The following DLG2 variants were observed in gnomAD, a reference collection of about 807,000 sequenced individuals.
DLG2 encodes disks large homolog 2.
In DLG2, 45 loss-of-function variants were observed where a neutral mutation model predicts 132.5. The ratio of observed to expected loss-of-function variants is 0.34; its 90% confidence interval spans 0.27 to 0.44. The LOEUF (loss-of-function observed/expected upper bound fraction) is 0.44, where lower values mean the gene tolerates loss of function less well. DLG2 is among the 20% of genes least tolerant of loss of function. DLG2 has a pLI of 1.00. For synonymous variants in DLG2, 424 were observed against 419.6 expected (o/e 1.01, Z -0.13); for missense variants, 1,045 against 1,196.9 (o/e 0.87, Z 1.87).
At chr11:84,355,472 G>C (rs2098605782) in intron 7 of DLG2, among the ~76,000 whole-genome samples, 1 of 152,012 alleles carries the variant, frequency 6.6e-6, no homozygotes, top group Non-Finnish European at 1.5e-5. Flanking sequence ...TCTGCCAAGT[G>C]AAGACACAGC....
chr11:84,069,124 T>A (rs1249750873), intron 10 of DLG2, among the ~76,000 whole-genome samples: 2 of 152,166 alleles, frequency 1.3e-5, no homozygotes, highest in Non-Finnish European at 2.9e-5. Context: ...AGGTGCTGAT[T>A]CAGTAGGTCT....
chr11:84,424,789 C>A (rs1172015806), intron 7 of DLG2, among the ~76,000 whole-genome samples: 1 of 151,926 alleles, frequency 6.6e-6, no homozygotes, highest in African/African-American at 2.4e-5. Context: ...AATCAAAGCA[C>A]GTGTGTTTTA....
At chr11:84,933,478 T>C (rs1345268495) in intron 6 of DLG2, among the ~76,000 whole-genome samples, 1 of 152,256 alleles carries the variant, frequency 6.6e-6, no homozygotes, top group Non-Finnish European at 1.5e-5. Flanking sequence ...TTTAATGATA[T>C]TAATTTTTCC....
At chr11:85,202,670 TA>T (rs1451530226) in intron 4 of DLG2, among the ~76,000 whole-genome samples, 3 of 152,092 alleles carry the variant, frequency 2.0e-5, no homozygotes, top group Non-Finnish European at 2.9e-5. Flanking sequence ...CAACAAATTT[TA>T]AAAGGTCAAA....
At chr11:85,448,859 T>C (rs1013193296) in intron 3 of DLG2, among the ~76,000 whole-genome samples, 1 of 152,146 alleles carries the variant, frequency 6.6e-6, no homozygotes, top group African/African-American at 2.4e-5. Context: ...CAAACACTAA[T>C]ATATTTAAAG....
intron 6 of DLG2, among the ~76,000 whole-genome samples, chr11:84,759,409 C>G (rs2067304188): frequency 1.3e-5 from 2 of 152,116 alleles, no homozygotes; most frequent in Admixed American, 6.5e-5. Flanking sequence ...GGTAACCTCT[C>G]AATCAGAACC....
chr11:84,702,398 CT>C (rs2059310342), intron 6 of DLG2, among the ~76,000 whole-genome samples: 2 of 151,844 alleles, frequency 1.3e-5, no homozygotes, highest in East Asian at 3.9e-4. Flanking sequence ...CCCAAACTTA[CT>C]GTGCAAATGG....
At chr11:85,275,563 T>C (rs948397369) in intron 4 of DLG2, among the ~76,000 whole-genome samples, 3 of 152,112 alleles carry the variant, frequency 2.0e-5, no homozygotes, top group African/African-American at 7.2e-5. Flanking sequence ...TCCAGAACTA[T>C]TATCTGATTC....
At chr11:84,411,812 T>C (rs1176969726) in intron 7 of DLG2, among the ~76,000 whole-genome samples, 1 of 152,224 alleles carries the variant, frequency 6.6e-6, no homozygotes, top group Non-Finnish European at 1.5e-5. Context: ...TTTCCTTTAC[T>C]TAAGCTTACA....
intron 6 of DLG2, among the ~76,000 whole-genome samples, chr11:84,863,449 T>C (rs918232565): frequency 2.6e-5 from 4 of 152,194 alleles, no homozygotes; most frequent in African/African-American, 9.6e-5. Flanking sequence ...TAATTTGTTG[T>C]AGAAAATGGA....
At chr11:84,614,128 T>C (rs1343371706) in intron 6 of DLG2, among the ~76,000 whole-genome samples, 2 of 152,200 alleles carry the variant, frequency 1.3e-5, no homozygotes, top group Admixed American at 6.5e-5. Flanking sequence ...TATCTTTTGA[T>C]TGCATAGTAT....
At chr11:84,547,480 G>C (rs2099392530) in intron 6 of DLG2, among the ~76,000 whole-genome samples, 1 of 152,130 alleles carries the variant, frequency 6.6e-6, no homozygotes, top group Non-Finnish European at 1.5e-5. Flanking sequence ...TTCTATGCCA[G>C]ATATTGTACC....
At chr11:84,545,138 T>A (rs2099387069) in intron 6 of DLG2, 1 of 447,776 alleles carries the variant, frequency 2.2e-6, no homozygotes, top group African/African-American at 2.0e-5. Flanking sequence ...TAATTAGAAT[T>A]TTTGCCACTG....
At chr11:85,496,047 G>C (rs2093661398) in intron 3 of DLG2, among the ~76,000 whole-genome samples, 1 of 152,176 alleles carries the variant, frequency 6.6e-6, no homozygotes. Context: ...ATTGGGACTG[G>C]TTGGACAGTG....
At chr11:85,074,053 G>C (rs1053175641) in intron 6 of DLG2, among the ~76,000 whole-genome samples, 6 of 151,770 alleles carry the variant, frequency 4.0e-5, no homozygotes, top group African/African-American at 1.2e-4. Flanking sequence ...AGTATATATG[G>C]ACACAATGCA....
rs1340243721 is a variant in DLG2 at position 84,020,728 on chromosome 11, G to A, written c.919+38587C>T. ...CCTTGTGGGCAAGGACATTTGTATT[G>A]CTATCTGCATAGCCCCTTCACAATA... On this transcript the variant is annotated intron_variant, in intron 11 of 27. Transcript: ENST00000376104. Among the ~76,000 whole-genome samples, 8 of 152,190 alleles carry A rather than the reference G, an allele frequency of 5.3e-5. No individual in the cohort carries two copies. In the East Asian group the frequency reaches 1.5e-3, roughly 29 times the overall value.
At chr11:84,502,208 T>TC (rs1567803304) in intron 7 of DLG2, among the ~76,000 whole-genome samples, 307 of 3,312 alleles carry the variant, frequency 0.093, 75 homozygotes, top group Middle Eastern at 0.25. Flanking sequence ...CTCTCCTTCC[T>TC]TCCTTCCTTC....
intron 16 of DLG2, among the ~76,000 whole-genome samples, chr11:83,839,411 C>T (rs992365258): frequency 6.6e-6 from 1 of 152,076 alleles, no homozygotes; most frequent in African/African-American, 2.4e-5. Context: ...ATCCTAATAA[C>T]CTATTACAGC....
intron 6 of DLG2, among the ~76,000 whole-genome samples, chr11:84,723,973 T>C (rs1343856734): frequency 3.3e-5 from 5 of 152,214 alleles, no homozygotes; most frequent in African/African-American, 1.2e-4. Context: ...GTATTTATTA[T>C]TGTTATACTT....
Sources: allele counts gnomAD v4.1 joint callset (sites outside exome capture counted in the v4.1 genomes callset), GRCh38; gene constraint gnomAD v4.1.1; transcripts MANE v1.5; gene names NCBI Gene and HGNC (gene_info 2026-07-23, HGNC 2026-07-21).